Variants in CYP26B1 observed in about 807,000 individuals in gnomAD.
CYP26B1 encodes cytochrome P450 26B1.
CYP26B1 carries 8 observed loss-of-function variants against 39.1 expected under a neutral mutation model. The observed-to-expected ratio is 0.20, with a 90% confidence interval of 0.12 to 0.37. The LOEUF (loss-of-function observed/expected upper bound fraction) is 0.37. Among genes scored for constraint, CYP26B1 ranks in the 10% least tolerant of loss-of-function variants. The probability of loss-of-function intolerance (pLI) is 1.00; values close to 1 mark genes in which losing one functional copy is unlikely to be tolerated. For synonymous variants in CYP26B1, 321 were observed against 314.3 expected, an observed-to-expected ratio of 1.02 and a Z score of -0.23; for missense variants, 615 against 707.0, an observed-to-expected ratio of 0.87 and a Z score of 1.48.
chr2:72,134,569 C>T (rs1228843923), intron 4 of CYP26B1, among the ~76,000 whole-genome samples, 192 bp downstream of exon 4: 4 of 152,184 alleles, frequency 2.6e-5, no homozygotes, highest in African/African-American at 4.8e-5. Flanking sequence ...GGGTGCCCCA[C>T]GGCATCCTGC....
Position 72,144,365 on chromosome 2 carries a change from A to G in CYP26B1, c.205-152T>C. 3 of 1,440,088 alleles carry G rather than the reference A, an allele frequency of 2.1e-6. No individual in the cohort carries two copies. In the East Asian group the frequency reaches 7.5e-5, roughly 36 times the overall value. The allele number at this position is 1,440,088 out of a possible 1,614,324, so 89.2% of individuals were successfully genotyped here. ...GACGAGCACGCAGGTTTTATTTTTC[A>G]TAGCGTGCACAAGAACTGCGAAGTA... On this transcript the variant is annotated intron_variant, in intron 1 of 5. Coordinates refer to ENST00000001146, the MANE Select transcript of CYP26B1 (RefSeq NM_019885.4).
In CYP26B1 at chr2:72,132,401, C is replaced by T. The variant is rs202010709; in HGVS notation, c.1365G>A (p.Ala455=). ...HLAKLFLKVL[A]VELASTSRFE... is the part of the protein sequence containing the mutation. ...AGCGGCTGGTGCTAGCCAGCTCCAC[C>T]GCCAGCACCTTCAGGAACAGCTTGG... The change falls in exon 6 of 6, where the codon GCG becomes GCA. Residue 455 remains alanine (A), a synonymous_variant. Coordinates refer to ENST00000001146, the MANE Select transcript of CYP26B1 (RefSeq NM_019885.4). 4.5e-5 allele frequency: 73 copies of T among 1,611,894 alleles called. 1 individual carries two copies. Among genetic ancestry groups the T allele is most frequent in the Admixed American group, 2.7e-4 (16 of 59,914 alleles).
At position 72,134,798 on chromosome 2, in the gene CYP26B1, T is replaced by C; in HGVS notation, c.824A>G (p.Lys275Arg). The C allele has an allele frequency of 2.5e-6, 4 of 1,614,172 alleles. No homozygotes were observed. Among genetic ancestry groups the C allele is most frequent in the Non-Finnish European group, 3.4e-6 (4 of 1,180,006 alleles). The change falls in exon 4 of 6, where the codon AAG becomes AGG. Residue 275 changes from lysine (K) to arginine (R), a missense_variant. By Grantham distance (26) the Lys-to-Arg change is conservative. Coordinates refer to ENST00000001146, the MANE Select transcript of CYP26B1 (RefSeq NM_019885.4). ...CATGGTCATCTCCTTCCCGTGCTCC[T>C]TGCTGCTCTCAATGAGGAGGTCCAG... ...DALDLLIESS[K>R]EHGKEMTMQE...
chr2:72,135,544 TGGGAGCTGGGCAGGCCA>T (rs2104053859), intron 2 of CYP26B1, 125 bp from the exon 3 acceptor site: 1 of 1,405,180 alleles, frequency 7.1e-7, no homozygotes, highest in Admixed American at 1.8e-5. Context: ...AGCAAAGCCT[TGGGAGCTGGGCAGGCCA>T]GCTGCCAGCA....
rs570006277 is a variant in CYP26B1 at position 72,144,610 on chromosome 2, C to T, written c.205-397G>A. ...GCTCCGGGCCACGGGCTGGCGAGAC[C>T]CCGCGGGGTGGCCGCAGGCCAAAGA... On this transcript the variant is annotated intron_variant, in intron 1 of 5. Transcript: ENST00000001146. 14 of 585,444 alleles carry T rather than the reference C, an allele frequency of 2.4e-5. No individual in the cohort carries two copies. In the South Asian group the frequency reaches 3.0e-4, roughly 13 times the overall value. The allele number at this position is 585,444 out of a possible 1,614,324, so 36.3% of individuals were successfully genotyped here.
At chr2:72,145,082 C>A (rs1180980703) in intron 1 of CYP26B1, among the ~76,000 whole-genome samples, 1 of 152,126 alleles carries the variant, frequency 6.6e-6, no homozygotes, top group Non-Finnish European at 1.5e-5. Context: ...CCCACGTTAA[C>A]CCTTCTCCTG....
chr2:72,136,363 C>T (rs572704093), intron 2 of CYP26B1, among the ~76,000 whole-genome samples: 6 of 152,334 alleles, frequency 3.9e-5, no homozygotes, highest in African/African-American at 1.4e-4. Context: ...ACACAACCAC[C>T]GCATAAACTG....
At chr2:72,141,408 T>C (rs957016532) in intron 2 of CYP26B1, among the ~76,000 whole-genome samples, 5 of 152,134 alleles carry the variant, frequency 3.3e-5, no homozygotes, top group African/African-American at 1.2e-4. Context: ...GTGACGGCAG[T>C]GAGAAGCCCC....
rs571722272 is a variant in CYP26B1 at position 72,132,505 on chromosome 2, G to A, written c.1261C>T (p.Arg421Trp). The A allele has an allele frequency of 5.1e-5, 82 of 1,612,338 alleles. No individual in the cohort carries two copies. The highest frequency in any genetic ancestry group is 1.0e-4 in the Admixed American group (6 of 59,948). ...VFDPDRFSQA[R>W]SEDKDGRFHY... ...AAGCGGCCATCCTTGTCCTCGCTCCGCGCCTGGCTGAAGCGATCGGGGTCG... is the reference window on the plus strand; with the variant it reads ...AAGCGGCCATCCTTGTCCTCGCTCCACGCCTGGCTGAAGCGATCGGGGTCG... Residue 421 changes from arginine to tryptophan, a missense_variant, in exon 6 of 6, where the codon CGG becomes TGG. Physicochemically the swap from Arg to Trp is moderately radical, Grantham distance 101 (BLOSUM62 -3). Coordinates refer to ENST00000001146, the MANE Select transcript of CYP26B1 (RefSeq NM_019885.4).
At position 72,143,842 on chromosome 2, in the gene CYP26B1, G is replaced by A. The variant is rs115703254; in HGVS notation, c.429+147C>T. On this transcript the variant is annotated intron_variant, in intron 2 of 5. Transcript: ENST00000001146. ...AGCAGGCCCTGGATCCGGACTCGAG[G>A]CCTTGTCGGCGGGGAACTGCGGAGT... The A allele has an allele frequency of 1.4e-3, 1,364 of 993,074 alleles. 18 individuals are homozygous for A. In the African/African-American group the frequency reaches 0.018, roughly 13 times the overall value. 61.5% of individuals were successfully genotyped at this position (993,074 alleles called of 1,614,324 possible).
chr2:72,133,863 C>T lies in CYP26B1; in HGVS notation c.862-556G>A, dbSNP rs546812699. 3.3e-5 allele frequency among the ~76,000 whole-genome samples: 5 copies of T among 152,252 alleles called. No individual in the cohort carries two copies. In the South Asian group the frequency reaches 6.2e-4, roughly 19 times the overall value. ...GACCTGGGATGAGGCTGAGGGAAGG[C>T]GACCCCCAGAGGACCTAAAGACCCC... On this transcript the variant is annotated intron_variant, in intron 4 of 5. Transcript: ENST00000001146.
At chr2:72,142,834 G>A (rs1310961297) in intron 2 of CYP26B1, among the ~76,000 whole-genome samples, 1 of 152,196 alleles carries the variant, frequency 6.6e-6, no homozygotes, top group Non-Finnish European at 1.5e-5. Context: ...CCCCTTTCCA[G>A]TTCCTGAAAT....
intron 3 of CYP26B1, 94 bp downstream of exon 3, chr2:72,135,050 G>A (rs921438020): frequency 1.2e-6 from 2 of 1,603,044 alleles, no homozygotes; most frequent in East Asian, 2.2e-5. Flanking sequence ...CCTGTGCCTA[G>A]GTGCCCATCT....
At chr2:72,134,739 G>A (rs941814844) in intron 4 of CYP26B1, 22 bp downstream of exon 4, 1 of 1,607,024 alleles carries the variant, frequency 6.2e-7, no homozygotes, top group Admixed American at 1.7e-5. Context: ...TGCTGCCCGT[G>A]AGGGGCACAC....
chr2:72,143,120 C>A (rs1447196380), intron 2 of CYP26B1: 1 of 166,482 alleles, frequency 6.0e-6, no homozygotes, highest in Non-Finnish European at 1.5e-5. Context: ...AGGTTTCAAA[C>A]CTGGGTGAGT....
chr2:72,145,437 G>A (rs889768012), intron 1 of CYP26B1, among the ~76,000 whole-genome samples: 1 of 152,142 alleles, frequency 6.6e-6, no homozygotes, highest in African/African-American at 2.4e-5. Context: ...CGGGAACGCT[G>A]TCCCCCTCCC....
intron 2 of CYP26B1, 39 bp downstream of exon 2, chr2:72,143,950 G>T: frequency 6.2e-7 from 1 of 1,609,690 alleles, no homozygotes; most frequent in Non-Finnish European, 8.5e-7. Flanking sequence ...CCCGAGGTGG[G>T]GGAGGGATTG....
chr2:72,146,718 A>G (rs573410335), intron 1 of CYP26B1, among the ~76,000 whole-genome samples: 8 of 152,310 alleles, frequency 5.3e-5, no homozygotes, highest in African/African-American at 1.9e-4. Flanking sequence ...CACCTCCCGC[A>G]GTTACTGCAG....
Position 72,147,315 on chromosome 2 carries a change from G to A in CYP26B1, c.204+316C>T, listed in dbSNP as rs1677149307. ...GGACCCTCCCCCGGGACCGCGCCTC[G>A]CTAGGCGCCCCCGGGGCGCTCCACG... On this transcript the variant is annotated intron_variant, in intron 1 of 5. Coordinates refer to ENST00000001146, the MANE Select transcript of CYP26B1 (RefSeq NM_019885.4). The surrounding 1 kb of genome is among the most constrained non-coding windows in gnomAD (Gnocchi z 6.1). Among the ~76,000 whole-genome samples the A allele has an allele frequency of 1.3e-5, 2 of 152,124 alleles. No individual in the cohort carries two copies. Among genetic ancestry groups the A allele is most frequent in the Non-Finnish European group, 2.9e-5 (2 of 68,002 alleles).
Sources: allele counts gnomAD v4.1 joint callset (sites outside exome capture counted in the v4.1 genomes callset), GRCh38; gene constraint gnomAD v4.1.1; non-coding constraint Gnocchi (gnomAD v3.1); transcripts MANE v1.5; gene names NCBI Gene and HGNC (gene_info 2026-07-23, HGNC 2026-07-21).